The following GABRB1 variants were observed in gnomAD, a reference collection of about 807,000 sequenced individuals.
The protein encoded by GABRB1 is gamma-aminobutyric acid receptor subunit beta-1.
Under a neutral mutation model 51.6 loss-of-function variants are expected in GABRB1, and 17 were observed. That is an observed-to-expected ratio of 0.33 (90% CI 0.23 to 0.49). The LOEUF (loss-of-function observed/expected upper bound fraction) is 0.49. GABRB1 is among the 20% of genes least tolerant of loss of function. The probability of loss-of-function intolerance (pLI) is 0.99; values close to 1 mark genes in which losing one functional copy is unlikely to be tolerated. For missense variants in GABRB1, 410 were observed against 600.6 expected (o/e 0.68, Z 3.32); for synonymous variants, 247 against 218.9 (o/e 1.13, Z -1.14).
chr4:47,248,732 A>G (rs1007892522), intron 4 of GABRB1, among the ~76,000 whole-genome samples: 2 of 151,934 alleles, frequency 1.3e-5, no homozygotes, highest in African/African-American at 4.8e-5. Flanking sequence ...GATTTGAGCT[A>G]GGATGGTTCT....
intron 3 of GABRB1, among the ~76,000 whole-genome samples, chr4:47,043,699 G>T (rs1257037773): frequency 6.6e-6 from 1 of 152,018 alleles, no homozygotes; most frequent in Non-Finnish European, 1.5e-5. Context: ...GTGGAGCTTA[G>T]TTGGTGAAAC....
At chr4:47,208,141 A>T (rs1197464660) in intron 4 of GABRB1, among the ~76,000 whole-genome samples, 3 of 152,138 alleles carry the variant, frequency 2.0e-5, no homozygotes, top group Non-Finnish European at 4.4e-5. Context: ...GTACAATGAC[A>T]TATTATTCAT....
intron 4 of GABRB1, among the ~76,000 whole-genome samples, chr4:47,171,787 G>A (rs996878369): frequency 6.6e-6 from 1 of 152,010 alleles, no homozygotes; most frequent in Non-Finnish European, 1.5e-5. Flanking sequence ...TGTAACACAT[G>A]TTGCTTACAT....
intron 4 of GABRB1, among the ~76,000 whole-genome samples, chr4:47,264,846 T>C (rs1722585495): frequency 6.6e-6 from 1 of 152,192 alleles, no homozygotes; most frequent in African/African-American, 2.4e-5. Flanking sequence ...CAACCACTGA[T>C]CTGCTTTTTG....
intron 4 of GABRB1, among the ~76,000 whole-genome samples, chr4:47,249,108 C>T (rs898693021): frequency 6.6e-6 from 1 of 151,734 alleles, no homozygotes; most frequent in African/African-American, 2.4e-5. Flanking sequence ...TTAGAATGTC[C>T]ATTTGTACTC....
At chr4:47,088,994 C>T (rs1053411430) in intron 3 of GABRB1, among the ~76,000 whole-genome samples, 26 of 152,342 alleles carry the variant, frequency 1.7e-4, no homozygotes, top group Admixed American at 3.3e-4. Flanking sequence ...TTTTCTTCTT[C>T]TAGCTGCCAA....
rs774689527 is a variant in GABRB1 at position 47,264,796 on chromosome 4, C to T, written c.462-55331C>T. Reference sequence around the variant, plus strand: ...ATCACCCCCAAAGTTTCCTTTTACGCTTCTGCAATCAATCTTTCTCTTTGC... The same window carrying T: ...ATCACCCCCAAAGTTTCCTTTTACGTTTCTGCAATCAATCTTTCTCTTTGC... On this transcript the variant is annotated intron_variant, in intron 4 of 8. Coordinates refer to ENST00000295454, the MANE Select transcript of GABRB1 (RefSeq NM_000812.4). Among the ~76,000 whole-genome samples the T allele has an allele frequency of 4.6e-5, 7 of 152,178 alleles. 1 individual carries two copies. The South Asian group carries it at 8.3e-4, about 18-fold the overall frequency.
chr4:47,345,428 T>C (rs1389023838), intron 5 of GABRB1, among the ~76,000 whole-genome samples: 3 of 152,176 alleles, frequency 2.0e-5, no homozygotes, highest in Non-Finnish European at 4.4e-5. Context: ...AGAGTTTTTT[T>C]GAGATTGTGT....
chr4:47,347,074 G>T (rs915410808), intron 5 of GABRB1, among the ~76,000 whole-genome samples: 2 of 152,076 alleles, frequency 1.3e-5, no homozygotes, highest in Non-Finnish European at 2.9e-5. Flanking sequence ...TCGAGGTCAG[G>T]AGTTCGTGAC....
At chr4:47,281,199 G>A (rs922183554) in intron 4 of GABRB1, among the ~76,000 whole-genome samples, 1 of 152,034 alleles carries the variant, frequency 6.6e-6, no homozygotes, top group African/African-American at 2.4e-5. Flanking sequence ...GCACAGTAGC[G>A]AGGAAACAAA....
intron 5 of GABRB1, among the ~76,000 whole-genome samples, chr4:47,354,990 T>TTTTTTTG (rs1726507757): frequency 4.3e-5 from 3 of 69,056 alleles, no homozygotes; most frequent in Non-Finnish European, 1.1e-4. Flanking sequence ...GTTTTTTTTT[T>TTTTTTTG]TTTTTTTTTT....
chr4:47,145,571 A>G (rs1376258343), intron 3 of GABRB1, among the ~76,000 whole-genome samples: 1 of 152,084 alleles, frequency 6.6e-6, no homozygotes, highest in Non-Finnish European at 1.5e-5. Flanking sequence ...CTGTGAGTAC[A>G]GGAATTTATC....
At chr4:47,166,028 T>G (rs1286753486) in intron 4 of GABRB1, among the ~76,000 whole-genome samples, 1 of 152,078 alleles carries the variant, frequency 6.6e-6, no homozygotes, top group East Asian at 1.9e-4. Context: ...TATCTGTCAC[T>G]TCCTGGCCCA....
chr4:47,113,866 G>A (rs138224349), intron 3 of GABRB1, among the ~76,000 whole-genome samples: 46 of 152,274 alleles, frequency 3.0e-4, no homozygotes, highest in African/African-American at 1.0e-3. Context: ...TCTCCCTGCA[G>A]TTCTGTTGTT....
intron 4 of GABRB1, among the ~76,000 whole-genome samples, chr4:47,295,091 A>G (rs1345699480): frequency 6.6e-6 from 1 of 152,216 alleles, no homozygotes; most frequent in Non-Finnish European, 1.5e-5. Context: ...GGACATACAC[A>G]ACAAAAACCC....
intron 5 of GABRB1, among the ~76,000 whole-genome samples, chr4:47,364,860 A>AC (rs1726923157): frequency 6.6e-6 from 1 of 151,910 alleles, no homozygotes; most frequent in South Asian, 2.1e-4. Context: ...ATAGAAAAAA[A>AC]AGAATTTGAG....
intron 5 of GABRB1, among the ~76,000 whole-genome samples, chr4:47,333,698 A>G (rs1725586735): frequency 6.6e-6 from 1 of 152,158 alleles, no homozygotes; most frequent in African/African-American, 2.4e-5. Context: ...CTGGGCAACC[A>G]GTGTGAAACA....
intron 3 of GABRB1, among the ~76,000 whole-genome samples, chr4:47,045,162 T>C (rs530907059): frequency 3.3e-5 from 5 of 152,136 alleles, no homozygotes; most frequent in African/African-American, 9.6e-5. Context: ...TGCAAGTCCT[T>C]GACAAAACAT....
intron 5 of GABRB1, among the ~76,000 whole-genome samples, chr4:47,379,767 G>C (rs1006268021): frequency 6.6e-6 from 1 of 152,138 alleles, no homozygotes; most frequent in Non-Finnish European, 1.5e-5. Context: ...GAAACTAAAA[G>C]TATGAATTAG....
Sources: gnomAD v4.1 joint callset for allele counts (sites outside exome capture counted in the v4.1 genomes callset) on GRCh38, gnomAD v4.1.1 for gene constraint, MANE v1.5 for transcripts, NCBI Gene and HGNC (gene_info 2026-07-23, HGNC 2026-07-21) for gene names.